Variants in RAB11FIP3 observed in about 807,000 individuals in gnomAD.
RAB11FIP3 encodes rab11 family-interacting protein 3.
Under a neutral mutation model 77.8 loss-of-function variants are expected in RAB11FIP3, and 17 were observed. The observed-to-expected ratio is 0.22, with a 90% CI of 0.15 to 0.33. RAB11FIP3 has a LOEUF of 0.33. Among genes scored for constraint, RAB11FIP3 ranks in the 10% least tolerant of loss-of-function variants. RAB11FIP3 has a pLI of 1.00. For missense variants in RAB11FIP3, 1,005 were observed against 1,011.2 expected, an observed-to-expected ratio of 0.99 and a Z score of 0.08; for synonymous variants, 437 against 448.2, an observed-to-expected ratio of 0.98 and a Z score of 0.31.
chr16:440,303 G>A (rs1256645004), intron 1 of RAB11FIP3, among the ~76,000 whole-genome samples: 1 of 151,902 alleles, frequency 6.6e-6, no homozygotes, highest in Non-Finnish European at 1.5e-5. Context: ...ACTAATTTTT[G>A]TATTTTTAGT....
At chr16:492,359 GTCTT>G (rs2030324380) in intron 5 of RAB11FIP3, among the ~76,000 whole-genome samples, 6 of 41,868 alleles carry the variant, frequency 1.4e-4, no homozygotes, top group African/African-American at 9.8e-4. Flanking sequence ...TTTGAAGAGG[GTCTT>G]CCCGGGAGAC....
In RAB11FIP3 at chr16:438,370, G is replaced by A. The variant is rs576826065; in HGVS notation, c.714+11650G>A. Among the ~76,000 whole-genome samples, 4 of 150,792 alleles carry A rather than the reference G, an allele frequency of 2.7e-5. No homozygotes were observed. In the East Asian group the frequency reaches 7.8e-4, roughly 29 times the overall value. The stretch of plus-strand genomic sequence containing the variant: ...ATCTGCCCACCTCGGCCTCCCAGAG[G>A]GCTGGGATTACAGGCATGAGCCGCT... On this transcript the variant is annotated intron_variant, in intron 1 of 13. Coordinates refer to ENST00000262305, the MANE Select transcript of RAB11FIP3 (RefSeq NM_014700.4).
At position 505,465 on chromosome 16, in the gene RAB11FIP3, G is replaced by C. The variant is rs533720143; in HGVS notation, c.1396-59G>C. 6.5e-5 allele frequency: 91 copies of C among 1,403,316 alleles called. No homozygotes were observed. In the South Asian group the frequency reaches 8.0e-4, roughly 12 times the overall value. 86.9% of individuals were successfully genotyped at this position (1,403,316 alleles called of 1,614,324 possible). On this transcript the variant is annotated intron_variant, in intron 7 of 13. Transcript: ENST00000262305. This position sits in a 1 kb window ranked among gnomAD's most constrained non-coding sequence, Gnocchi z 4.0. Reference sequence around the variant, plus strand: ...GGCGGCCTCCCAGGTTGTTCCCTTGGGGGTGCAGGCCCTTCTGCTTCTGGC... The same window carrying C: ...GGCGGCCTCCCAGGTTGTTCCCTTGCGGGTGCAGGCCCTTCTGCTTCTGGC...
intron 1 of RAB11FIP3, among the ~76,000 whole-genome samples, chr16:448,107 C>T (rs1017994978): frequency 1.3e-5 from 2 of 151,528 alleles, no homozygotes; most frequent in South Asian, 4.2e-4. Context: ...CATGTGAGGT[C>T]AGGAGTTTGA....
In RAB11FIP3 at chr16:520,211, C is replaced by T. The variant is rs1160390359; in HGVS notation, c.1950C>T (p.Gly650=). 1 of 1,545,664 alleles carries T rather than the reference C, an allele frequency of 6.5e-7. No homozygotes were observed. Among genetic ancestry groups the T allele is most frequent in the Non-Finnish European group, 8.7e-7 (1 of 1,147,810 alleles). Residue 650 remains glycine (G), a synonymous_variant, in exon 12 of 14, where the codon GGC becomes GGT. Coordinates refer to ENST00000262305, the MANE Select transcript of RAB11FIP3 (RefSeq NM_014700.4). The part of the protein sequence containing the change: ...EQRRGRSSSM[G]LQEYHSRARE... ...GGCGGGGCCGCAGCAGCAGCATGGG[C>T]CTGCAGGAGTACCACAGCCGCGCCC...
At chr16:452,875 A>C (rs1466709693) in intron 1 of RAB11FIP3, among the ~76,000 whole-genome samples, 1 of 62,996 alleles carries the variant, frequency 1.6e-5, no homozygotes. Flanking sequence ...GTGCCTCAGC[A>C]TCCCGAGTAG....
At chr16:460,964 C>T (rs542189362) in intron 1 of RAB11FIP3, among the ~76,000 whole-genome samples, 25 of 152,318 alleles carry the variant, frequency 1.6e-4, no homozygotes, top group African/African-American at 4.8e-4. Context: ...CAGCACCGCC[C>T]CTGTTGGCGG....
At position 518,886 on chromosome 16, in the gene RAB11FIP3, TG is replaced by T. The variant is rs537293054; in HGVS notation, c.1641-55del. 137 of 1,560,562 alleles carry T rather than the reference TG, an allele frequency of 8.8e-5. 1 individual carries two copies. The African/African-American group carries it at 1.3e-3, about 14-fold the overall frequency. On this transcript the variant is annotated intron_variant, in intron 9 of 13. Transcript: ENST00000262305. The stretch of plus-strand genomic sequence containing the variant: ...GGTTTCCCTGAGACACAGGGCACAC[TG>T]GCCCTGTAGAGGCGAGCTTCCTGGA...
At chr16:502,769 G>C (rs958965951) in intron 6 of RAB11FIP3, 2 of 558,954 alleles carry the variant, frequency 3.6e-6, no homozygotes, top group East Asian at 3.2e-5. Context: ...GGAAGACTCT[G>C]AGACCACAGA....
chr16:426,079 G>A lies in RAB11FIP3; in HGVS notation c.73G>A (p.Asp25Asn). ...GCCCGACCCGGAGCCGGGCGGGCCG[G>A]ACGGGCCGGGGGCGGCACAACTGGC... is the stretch of plus-strand genomic sequence containing the variant. ...PGPDPEPGGP[D>N]GPGAAQLAPG... The change falls in exon 1 of 14, where the codon GAC becomes AAC. Residue 25 changes from aspartate (D) to asparagine (N), a missense_variant. This residue lies in a region of RAB11FIP3 where 466 missense variants were observed against 408.3 expected (regional missense o/e 1.14). Transcript: ENST00000262305. The surrounding 1 kb of genome is among the most constrained non-coding windows in gnomAD (Gnocchi z 5.0). 6 of 1,002,416 alleles carry A rather than the reference G, an allele frequency of 6.0e-6. No homozygotes were observed. The highest frequency in any genetic ancestry group is 7.1e-6 in the Non-Finnish European group (6 of 842,730). 62.1% of individuals were successfully genotyped at this position (1,002,416 alleles called of 1,614,324 possible).
In RAB11FIP3 at chr16:426,633, C is replaced by A; in HGVS notation, c.627C>A (p.Ala209=). The A allele has an allele frequency of 6.3e-7, 1 of 1,589,016 alleles. No individual in the cohort carries two copies. The highest frequency in any genetic ancestry group is 1.1e-5 in the South Asian group (1 of 88,126). The change falls in exon 1 of 14, where the codon GCC becomes GCA. Residue 209 remains alanine, a synonymous_variant. Transcript: ENST00000262305. This position sits in a 1 kb window ranked among gnomAD's most constrained non-coding sequence, Gnocchi z 5.0. The part of the protein sequence containing the change: ...GSQEDGPRLR[A]VFDALDGDGD... ...AGGAGGACGGCCCCCGCCTCCGAGC[C>A]GTGTTCGATGCCCTGGACGGGGATG...
At chr16:480,486 G>A (rs1458909821) in intron 3 of RAB11FIP3, among the ~76,000 whole-genome samples, 1 of 151,698 alleles carries the variant, frequency 6.6e-6, no homozygotes, top group Non-Finnish European at 1.5e-5. Flanking sequence ...CACCACACTT[G>A]GCTAATTATA....
chr16:454,531 T>A (rs2055463918), intron 1 of RAB11FIP3, among the ~76,000 whole-genome samples: 1 of 152,004 alleles, frequency 6.6e-6, no homozygotes, highest in Non-Finnish European at 1.5e-5. Flanking sequence ...GGGAAACATG[T>A]TGTAGACCTC....
intron 1 of RAB11FIP3, among the ~76,000 whole-genome samples, chr16:443,844 A>G (rs3785299): frequency 0.57 from 86,348 of 152,130 alleles, 24,795 homozygotes; most frequent in Middle Eastern, 0.65. Context: ...GATTACAGGC[A>G]TGAGCCATCG....
At chr16:517,338 G>A (rs1462439914) in intron 9 of RAB11FIP3, among the ~76,000 whole-genome samples, 2 of 152,136 alleles carry the variant, frequency 1.3e-5, no homozygotes, top group Non-Finnish European at 2.9e-5. Context: ...GGAGGCTGAG[G>A]CTGTTGGAAC....
At chr16:474,063 G>A (rs145779215) in intron 3 of RAB11FIP3, among the ~76,000 whole-genome samples, 3 of 152,102 alleles carry the variant, frequency 2.0e-5, no homozygotes, top group Non-Finnish European at 4.4e-5. Flanking sequence ...GTTCGATACT[G>A]TGAAACTTAT....
intron 1 of RAB11FIP3, among the ~76,000 whole-genome samples, chr16:443,711 G>A (rs536136122): frequency 2.0e-5 from 3 of 152,198 alleles, no homozygotes; most frequent in East Asian, 1.9e-4. Flanking sequence ...GACTACAGGC[G>A]CCCGCTACCA....
In RAB11FIP3 at chr16:507,393, G is replaced by C. The variant is rs2031927379; in HGVS notation, c.1499+1766G>C. ...CCCAAAATGCTGGGATTACAGGCGT[G>C]AGCCACCGTGCCCGGCCTAGTTTTT... On this transcript the variant is annotated intron_variant, in intron 8 of 13. Coordinates refer to ENST00000262305, the MANE Select transcript of RAB11FIP3 (RefSeq NM_014700.4). The surrounding 1 kb of genome is among the most constrained non-coding windows in gnomAD (Gnocchi z 4.6). 6.6e-6 allele frequency among the ~76,000 whole-genome samples: 1 copy of C among 152,174 alleles called. No homozygotes were observed. The highest frequency in any genetic ancestry group is 2.4e-5 in the African/African-American group (1 of 41,438).
chr16:466,123 T>C (rs1458793393), intron 2 of RAB11FIP3, among the ~76,000 whole-genome samples: 3 of 152,176 alleles, frequency 2.0e-5, no homozygotes, highest in African/African-American at 7.2e-5. Flanking sequence ...TAGGGTAAAC[T>C]TGCTCTGCAC....
Sources: gnomAD v4.1 joint callset for allele counts (sites outside exome capture counted in the v4.1 genomes callset) on GRCh38, gnomAD v4.1.1 for gene constraint, gnomAD v4.1.1 regional missense constraint, Gnocchi (gnomAD v3.1) non-coding constraint, MANE v1.5 for transcripts, NCBI Gene and HGNC (gene_info 2026-07-23, HGNC 2026-07-21) for gene names.